LRRFIP2: variants seen among roughly 807,000 people sequenced by gnomAD.
LRRFIP2 encodes LRR binding FLII interacting protein 2.
Under a neutral mutation model 125.9 loss-of-function variants are expected in LRRFIP2, and 109 were observed. That is an observed-to-expected ratio of 0.87 (90% CI 0.74 to 1.01). The LOEUF is 1.01. Ranked by LOEUF, LRRFIP2 falls within the 50% of genes least tolerant of loss-of-function variation. The pLI is 0.00. For synonymous variants in LRRFIP2, 291 were observed against 293.1 expected (o/e 0.99, Z 0.07); for missense variants, 850 against 862.3 (o/e 0.99, Z 0.18).
intron 25 of LRRFIP2, among the ~76,000 whole-genome samples, chr3:37,058,361 G>T (rs1472155887): frequency 6.6e-6 from 1 of 152,138 alleles, no homozygotes. Context: ...AATTTTTGCA[G>T]CATAGCTCTT....
chr3:37,072,804 C>A lies in LRRFIP2; in HGVS notation c.1450G>T (p.Asp484Tyr), dbSNP rs1411638860. ...TCATTTCATACCCCAATTTTTTTAT[C>A]TTTCCAAAGAAGTGTCTCCTGGAGG... ...FDLQETLLWKDKKIGALEKQK... is the reference protein window; with the variant it reads ...FDLQETLLWKYKKIGALEKQK... Residue 484 changes from aspartate to tyrosine, a missense_variant, in exon 21 of 28, where the codon GAT (aspartate) becomes TAT (tyrosine). Transcript: ENST00000336686. The A allele has an allele frequency of 1.9e-6, 3 of 1,611,228 alleles. No homozygotes were observed. The highest frequency in any genetic ancestry group is 2.5e-6 in the Non-Finnish European group (3 of 1,178,332).
intron 15 of LRRFIP2, among the ~76,000 whole-genome samples, chr3:37,097,600 T>C (rs2093789612): frequency 6.6e-6 from 1 of 152,164 alleles, no homozygotes; most frequent in African/African-American, 2.4e-5. Context: ...ACTTCCCTCA[T>C]TTATTTTAAA....
chr3:37,153,568 G>A (rs989482637), intron 1 of LRRFIP2, among the ~76,000 whole-genome samples: 1 of 152,062 alleles, frequency 6.6e-6, no homozygotes, highest in African/African-American at 2.4e-5. Context: ...CTACCCCCAT[G>A]ATCCATTTTC....
chr3:37,105,486 T>C lies in LRRFIP2; in HGVS notation c.752A>G (p.Asp251Gly), dbSNP rs1429712028. 1 of 1,614,016 alleles carries C rather than the reference T, an allele frequency of 6.2e-7. No homozygotes were observed. Among genetic ancestry groups the C allele is most frequent in the South Asian group, 1.1e-5 (1 of 91,084 alleles). Residue 251 changes from aspartate to glycine, a missense_variant, in exon 14 of 28, where the codon GAT (aspartate) becomes GGT (glycine). By Grantham distance (94) the Asp-to-Gly change is moderately conservative (BLOSUM62 -1). Coordinates refer to ENST00000336686, the MANE Select transcript of LRRFIP2 (RefSeq NM_006309.4). Reference protein sequence around the residue: ...NDDTASIVSSDRASRGRRESV... With the variant: ...NDDTASIVSSGRASRGRRESV... ...CTCCCTTCGTCCACGACTGGCACGA[T>C]CAGAAGACACAATGCTTGCAGTGTC...
chr3:37,151,593 T>G (rs1402462535), intron 1 of LRRFIP2, among the ~76,000 whole-genome samples: 3 of 151,728 alleles, frequency 2.0e-5, no homozygotes, highest in Non-Finnish European at 2.9e-5. Flanking sequence ...GATTTCTTTT[T>G]TTTTTCTTTT....
At chr3:37,110,562 C>T (rs1024461153) in intron 9 of LRRFIP2, among the ~76,000 whole-genome samples, 6 of 151,932 alleles carry the variant, frequency 3.9e-5, no homozygotes, top group African/African-American at 1.5e-4. Context: ...TATATGTAAG[C>T]TTTTTTAAAA....
In LRRFIP2 at chr3:37,157,718, A is replaced by T. The variant is rs564436056; in HGVS notation, c.-55-8680T>A. ...TTGAGGCAAAGTACAAAATGAAAAA[A>T]ATATATACAGGCAAAACTGGAGAAC... On this transcript the variant is annotated intron_variant, in intron 1 of 27. Coordinates refer to ENST00000336686, the MANE Select transcript of LRRFIP2 (RefSeq NM_006309.4). Among the ~76,000 whole-genome samples the T allele has an allele frequency of 3.3e-5, 5 of 152,348 alleles. No homozygotes were observed. The South Asian group carries it at 1.0e-3, about 32-fold the overall frequency.
intron 18 of LRRFIP2, among the ~76,000 whole-genome samples, chr3:37,089,641 T>C (rs1486414475): frequency 1.3e-5 from 2 of 152,190 alleles, no homozygotes; most frequent in African/African-American, 4.8e-5. Context: ...TCAAATCTAA[T>C]CTGTTCTTTT....
intron 6 of LRRFIP2, among the ~76,000 whole-genome samples, chr3:37,119,237 C>A (rs1019436129): frequency 6.6e-6 from 1 of 152,036 alleles, no homozygotes; most frequent in African/African-American, 2.4e-5. Flanking sequence ...CCCATAGTAA[C>A]AAATTTTCAA....
At chr3:37,154,873 G>C (rs1186699678) in intron 1 of LRRFIP2, among the ~76,000 whole-genome samples, 1 of 152,210 alleles carries the variant, frequency 6.6e-6, no homozygotes, top group Non-Finnish European at 1.5e-5. Context: ...TCTGGATCCT[G>C]ATAGATAGTT....
At chr3:37,105,588 G>C (rs1295340420) in intron 13 of LRRFIP2, 65 bp from the exon 14 acceptor site, 2 of 1,186,240 alleles carry the variant, frequency 1.7e-6, no homozygotes, top group Non-Finnish European at 2.5e-6. Flanking sequence ...CTCATTATAA[G>C]TACATTAAGG....
chr3:37,089,160 G>C (rs1389855552), intron 18 of LRRFIP2, among the ~76,000 whole-genome samples: 1 of 151,916 alleles, frequency 6.6e-6, no homozygotes, highest in Non-Finnish European at 1.5e-5. Context: ...ATTTAATAAA[G>C]TATTAATTTT....
chr3:37,163,756 T>TA (rs1197247289), intron 1 of LRRFIP2, among the ~76,000 whole-genome samples: 5 of 152,204 alleles, frequency 3.3e-5, no homozygotes, highest in Non-Finnish European at 7.3e-5. Context: ...TGGCCAAAAA[T>TA]ACATGTATGG....
intron 18 of LRRFIP2, among the ~76,000 whole-genome samples, chr3:37,089,438 T>C (rs752608650): frequency 5.9e-5 from 9 of 152,176 alleles, no homozygotes; most frequent in Non-Finnish European, 1.0e-4. Flanking sequence ...AACAGTAATG[T>C]CACAAGCAAT....
intron 19 of LRRFIP2, among the ~76,000 whole-genome samples, chr3:37,075,585 G>A (rs922591251): frequency 8.5e-5 from 13 of 152,164 alleles, no homozygotes; most frequent in Middle Eastern, 6.8e-3. Flanking sequence ...AAGGCATACC[G>A]TCTTCTTGGA....
intron 24 of LRRFIP2, among the ~76,000 whole-genome samples, chr3:37,061,795 G>C (rs1436700726): frequency 6.6e-6 from 1 of 151,962 alleles, no homozygotes; most frequent in Non-Finnish European, 1.5e-5. Context: ...ATCCCTTCTT[G>C]CCCTCAGCTA....
At chr3:37,099,201 G>A (rs1010115812) in intron 15 of LRRFIP2, among the ~76,000 whole-genome samples, 3 of 152,150 alleles carry the variant, frequency 2.0e-5, no homozygotes, top group African/African-American at 4.8e-5. Flanking sequence ...AACTTGGCAA[G>A]TTCTCACTTC....
At chr3:37,149,399 C>T (rs1314303450) in intron 1 of LRRFIP2, among the ~76,000 whole-genome samples, 1 of 152,030 alleles carries the variant, frequency 6.6e-6, no homozygotes, top group Non-Finnish European at 1.5e-5. Flanking sequence ...TGTCTGTAAT[C>T]CCAGCTACTC....
chr3:37,055,143 G>A lies in LRRFIP2; in HGVS notation c.1893C>T (p.Ser631=), dbSNP rs146421475. The part of the protein sequence containing the change: ...EMQRDANRQI[S]EYKFKLSKAE... ...CTTTTGAAAGCTTAAATTTGTATTC[G>A]CTAATTTGTCTATTGGCATCTCCTA... The change falls in exon 26 of 28, where the codon AGC becomes AGT. Residue 631 remains serine, a synonymous_variant. Coordinates refer to ENST00000336686, the MANE Select transcript of LRRFIP2 (RefSeq NM_006309.4). The A allele has an allele frequency of 3.0e-4, 483 of 1,592,216 alleles. 2 individuals are homozygous for A. Among genetic ancestry groups the A allele is most frequent in the Middle Eastern group, 1.8e-3 (11 of 5,990 alleles).
Sources: allele counts gnomAD v4.1 joint callset (sites outside exome capture counted in the v4.1 genomes callset), GRCh38; gene constraint gnomAD v4.1.1; transcripts MANE v1.5; gene names NCBI Gene and HGNC (gene_info 2026-07-23, HGNC 2026-07-21).